The following GSTO2 variants were observed in gnomAD, a reference collection of about 807,000 sequenced individuals.
GSTO2 encodes glutathione S-transferase omega-2.
Under a neutral mutation model 28.4 loss-of-function variants are expected in GSTO2, and 23 were observed. The ratio of observed to expected loss-of-function variants is 0.81; its 90% CI spans 0.58 to 1.15. The LOEUF is 1.15. Ranked by LOEUF, GSTO2 falls within the 50% of genes most tolerant of loss-of-function variation. GSTO2 has a pLI of 0.00. For synonymous variants in GSTO2, 109 were observed against 111.0 expected (o/e 0.98, Z 0.11); for missense variants, 298 against 297.8 (o/e 1.00, Z 0.00).
At position 104,274,867 on chromosome 10, in the gene GSTO2, C is replaced by CA; in HGVS notation, c.-48dup. ...AGCCTGCGGCAGCGGTGGCGAGCCA[C>CA]AGGGCGGCGACCGTGAGCTCCGGGA... is the stretch of plus-strand genomic sequence containing the variant. On this transcript the variant is annotated 5_prime_UTR_variant, in exon 2 of 7. Transcript: ENST00000338595. 6.3e-7 allele frequency: 1 copy of CA among 1,590,134 alleles called. No individual in the cohort carries two copies. Among genetic ancestry groups the CA allele is most frequent in the Non-Finnish European group, 8.6e-7 (1 of 1,168,794 alleles).
chr10:104,271,488 T>C (rs372962759), intron 1 of GSTO2, among the ~76,000 whole-genome samples: 2 of 152,232 alleles, frequency 1.3e-5, no homozygotes, highest in East Asian at 1.9e-4. Flanking sequence ...GTAGGTATTA[T>C]TGGTGTTCTC....
chr10:104,279,590 G>C, intron 5 of GSTO2, 119 bp downstream of exon 5: 1 of 659,686 alleles, frequency 1.5e-6, no homozygotes, highest in Non-Finnish European at 2.7e-6. Flanking sequence ...TGATAAGTCA[G>C]ACTTCTGATC....
intron 5 of GSTO2, among the ~76,000 whole-genome samples, chr10:104,293,572 T>TTTTTTTTTTTTTTTTTTTTTTTTTTTTTG: frequency 7.2e-6 from 1 of 139,652 alleles, no homozygotes; most frequent in Non-Finnish European, 1.5e-5. Flanking sequence ...AATTTTTTTT[T>TTTTTTTTTTTTTTTTTTTTTTTTTTTTTG]TTTTTTTTTT....
chr10:104,269,583 G>GGACACCAC (rs1372020253), intron 1 of GSTO2, among the ~76,000 whole-genome samples: 5 of 152,178 alleles, frequency 3.3e-5, no homozygotes, highest in Non-Finnish European at 7.3e-5. Context: ...GCCTTGCGTG[G>GGACACCAC]GACACCACGA....
intron 6 of GSTO2, among the ~76,000 whole-genome samples, chr10:104,298,608 A>G (rs967987947): frequency 2.0e-5 from 3 of 152,202 alleles, no homozygotes; most frequent in African/African-American, 7.2e-5. Context: ...TAAACCCCAG[A>G]ACTAAATATC....
In GSTO2 at chr10:104,300,656, C is replaced by T. The variant is rs2013230200; in HGVS notation, c.*1372C>T. 1 of 152,302 alleles carries T rather than the reference C, an allele frequency of 6.6e-6. No individual in the cohort carries two copies. The highest frequency in any genetic ancestry group is 1.5e-5 in the Non-Finnish European group (1 of 68,106). The allele number at this position is 152,302 out of a possible 1,614,324, so 9.4% of individuals were successfully genotyped here. On this transcript the variant is annotated 3_prime_UTR_variant, in exon 7 of 7. Coordinates refer to ENST00000338595, the MANE Select transcript of GSTO2 (RefSeq NM_183239.2). ...ACTATGGGAGGGGGACCAAGTTTGT[C>T]CAATGCTGTTTCATCTCAGTGTCTG...
At chr10:104,284,745 T>C (rs912247049) in intron 5 of GSTO2, among the ~76,000 whole-genome samples, 2 of 152,250 alleles carry the variant, frequency 1.3e-5, no homozygotes, top group Admixed American at 6.5e-5. Context: ...ACTTTTTATC[T>C]GTGCCTTCCA....
intron 1 of GSTO2, among the ~76,000 whole-genome samples, chr10:104,274,484 A>G (rs186128757): frequency 2.8e-4 from 43 of 152,284 alleles, no homozygotes; most frequent in Middle Eastern, 3.4e-3. Flanking sequence ...TAGTGATGCA[A>G]GAGATTCAGA....
Position 104,279,395 on chromosome 10 carries a change from T to TGGTA in GSTO2, c.394_397dup (p.Ala133GlyfsTer11). Reference sequence around the variant, plus strand: ...GTCCCACATTTGACCAAGGAGTGCCTGGTAGCGTTGAGATGTGGGAGAGAA... The same window carrying TGGTA: ...GTCCCACATTTGACCAAGGAGTGCCTGGTAGGTAGCGTTGAGATGTGGGAGAGAA... On this transcript the variant is annotated frameshift_variant, in exon 5 of 7. Coordinates refer to ENST00000338595, the MANE Select transcript of GSTO2 (RefSeq NM_183239.2). LOFTEE classifies it high-confidence loss of function. 8 of 1,614,000 alleles carry TGGTA rather than the reference T, an allele frequency of 5.0e-6. No individual in the cohort carries two copies. Among genetic ancestry groups the TGGTA allele is most frequent in the Non-Finnish European group, 6.8e-6 (8 of 1,179,908 alleles).
At position 104,304,703 on chromosome 10, in the gene GSTO2, T is replaced by TC. The variant is rs1160008286; in HGVS notation, c.*5425dup. ...TGATCAGACTTGAACCCTGTGCTCA[T>TC]CCCCCCATCACTTTGTGGAACTAGA... On this transcript the variant is annotated 3_prime_UTR_variant, in exon 7 of 7. Transcript: ENST00000338595. 2.6e-5 allele frequency: 4 copies of TC among 152,168 alleles called. No homozygotes were observed. The highest frequency in any genetic ancestry group is 7.2e-5 in the African/African-American group (3 of 41,442). 9.4% of individuals were successfully genotyped at this position (152,168 alleles called of 1,614,324 possible).
chr10:104,289,906 G>C (rs886123052), intron 5 of GSTO2, among the ~76,000 whole-genome samples: 1 of 152,128 alleles, frequency 6.6e-6, no homozygotes, highest in African/African-American at 2.4e-5. Flanking sequence ...CAGTTAAAAT[G>C]GCTTACATCC....
At chr10:104,274,370 G>C (rs1466738226) in intron 1 of GSTO2, among the ~76,000 whole-genome samples, 2 of 152,164 alleles carry the variant, frequency 1.3e-5, no homozygotes, top group African/African-American at 4.8e-5. Context: ...GGGTATGTGA[G>C]ATTTCAACAC....
At chr10:104,289,205 C>G (rs1363666010) in intron 5 of GSTO2, among the ~76,000 whole-genome samples, 1 of 152,080 alleles carries the variant, frequency 6.6e-6, no homozygotes, top group Non-Finnish European at 1.5e-5. Flanking sequence ...CTCAGGTGAT[C>G]TTCCTACCTT....
intron 5 of GSTO2, chr10:104,295,001 A>C (rs560882232): frequency 6.6e-6 from 1 of 152,258 alleles, no homozygotes. Context: ...TCTGTTCTGT[A>C]AAGCAGAAGA....
intron 1 of GSTO2, among the ~76,000 whole-genome samples, chr10:104,270,742 T>C (rs2011359499): frequency 6.7e-6 from 1 of 149,698 alleles, no homozygotes; most frequent in African/African-American, 2.6e-5. Flanking sequence ...TTCTAACTTA[T>C]TAAGAGGAAT....
chr10:104,290,068 A>G (rs576505949), intron 5 of GSTO2, among the ~76,000 whole-genome samples: 39 of 152,350 alleles, frequency 2.6e-4, no homozygotes, highest in Non-Finnish European at 4.4e-4. Flanking sequence ...TGATCCAGCA[A>G]TCCCACTGCT....
chr10:104,286,552 G>A (rs1426868137), intron 5 of GSTO2, among the ~76,000 whole-genome samples: 2 of 152,128 alleles, frequency 1.3e-5, no homozygotes, highest in Admixed American at 6.5e-5. Context: ...ATGAATATAC[G>A]TTGTTATTTC....
intron 1 of GSTO2, among the ~76,000 whole-genome samples, chr10:104,271,110 C>T (rs1473976616): frequency 2.0e-5 from 3 of 152,050 alleles, no homozygotes; most frequent in Non-Finnish European, 4.4e-5. Context: ...CAAAGAAGTA[C>T]CTGTTGGGTA....
In GSTO2 at chr10:104,278,053, G is replaced by T; in HGVS notation, c.303G>T (p.Lys101Asn). ...TGGATGATGCTTATCCAGGAAGGAA[G>T]CTGTTTCCATATGACCCTTATGAAC... ...EYLDDAYPGR[K>N]LFPYDPYERA... Residue 101 changes from lysine (K) to asparagine (N), a missense_variant, in exon 4 of 7, where the codon AAG becomes AAT. By Grantham distance (94) the Lys-to-Asn change is moderately conservative. Transcript: ENST00000338595. 6.2e-7 allele frequency: 1 copy of T among 1,614,190 alleles called. No individual in the cohort carries two copies. Among genetic ancestry groups the T allele is most frequent in the Non-Finnish European group, 8.5e-7 (1 of 1,180,038 alleles).
Sources: allele counts gnomAD v4.1 joint callset (sites outside exome capture counted in the v4.1 genomes callset), GRCh38; gene constraint gnomAD v4.1.1; transcripts MANE v1.5; gene names NCBI Gene and HGNC (gene_info 2026-07-23, HGNC 2026-07-21).